SEMA3A: variants seen among roughly 807,000 people sequenced by gnomAD.
The protein encoded by SEMA3A is semaphorin-3A.
SEMA3A carries 29 observed loss-of-function variants against 97.9 expected under a neutral mutation model. The observed-to-expected ratio is 0.30, with a 90% confidence interval of 0.22 to 0.40. The LOEUF (loss-of-function observed/expected upper bound fraction) is 0.40. Ranked by LOEUF, SEMA3A falls within the 10% of genes least tolerant of loss-of-function variation. SEMA3A has a pLI of 1.00. For synonymous variants in SEMA3A, 321 were observed against 323.7 expected, an observed-to-expected ratio of 0.99 and a Z score of 0.09; for missense variants, 763 against 951.3, an observed-to-expected ratio of 0.80 and a Z score of 2.60.
intron 6 of SEMA3A, among the ~76,000 whole-genome samples, chr7:84,022,363 A>C (rs1277225950): frequency 7.2e-5 from 11 of 152,294 alleles, no homozygotes; most frequent in Non-Finnish European, 5.9e-5. Context: ...CAGAAATGAA[A>C]AACTCAAATC....
At chr7:84,439,101 T>C (rs1477603772) in intron 1 of SEMA3A, among the ~76,000 whole-genome samples, 1 of 151,824 alleles carries the variant, frequency 6.6e-6, no homozygotes. Flanking sequence ...AAATCTAGTA[T>C]GGAATTAGAA....
chr7:84,021,424 A>C (rs6962897), intron 6 of SEMA3A, among the ~76,000 whole-genome samples: 46,611 of 152,014 alleles, frequency 0.31, 8,073 homozygotes, highest in East Asian at 0.61. Context: ...TTCCAGTAAG[A>C]TTATTTTTAA....
chr7:84,362,917 A>G (rs1375309733), intron 2 of SEMA3A, among the ~76,000 whole-genome samples: 1 of 152,042 alleles, frequency 6.6e-6, no homozygotes, highest in African/African-American at 2.4e-5. Context: ...AGCAGTGCTC[A>G]TTCATTGATC....
chr7:83,983,451 AGAT>A, intron 13 of SEMA3A, among the ~76,000 whole-genome samples: 1 of 152,128 alleles, frequency 6.6e-6, no homozygotes, highest in African/African-American at 2.4e-5. Context: ...GTATATTTAT[AGAT>A]TTTTTTAAGA....
intron 1 of SEMA3A, among the ~76,000 whole-genome samples, chr7:84,441,507 C>A (rs549865032): frequency 6.6e-6 from 1 of 151,446 alleles, no homozygotes; most frequent in Non-Finnish European, 1.5e-5. Flanking sequence ...GTATAAGGTG[C>A]TGACAGAAAA....
chr7:84,212,590 A>G (rs1798657282), intron 3 of SEMA3A, among the ~76,000 whole-genome samples: 1 of 152,178 alleles, frequency 6.6e-6, no homozygotes, highest in Admixed American at 6.5e-5. Context: ...AATGACACAC[A>G]TGATAAATTT....
Position 84,406,858 on chromosome 7 carries a change from G to A in SEMA3A, c.-245-34958C>T, listed in dbSNP as rs184843314. ...CTTTGACAAAATTCAACAATACTTC[G>A]TGATAAAAACTCTCAATAAATAGGT... On this transcript the variant is annotated intron_variant, in intron 1 of 3. Transcript: ENST00000424555. 7.2e-4 allele frequency among the ~76,000 whole-genome samples: 110 copies of A among 152,010 alleles called. 1 individual carries two copies. Among genetic ancestry groups the A allele is most frequent in the African/African-American group, 2.3e-3 (97 of 41,490 alleles).
At chr7:84,446,934 C>T (rs1805428649) in intron 1 of SEMA3A, among the ~76,000 whole-genome samples, 1 of 152,134 alleles carries the variant, frequency 6.6e-6, no homozygotes, top group African/African-American at 2.4e-5. Context: ...CTCTTGGCTG[C>T]AGCTGCAGCT....
chr7:84,262,424 A>G (rs1799880474), intron 3 of SEMA3A, among the ~76,000 whole-genome samples: 1 of 152,102 alleles, frequency 6.6e-6, no homozygotes, highest in South Asian at 2.1e-4. Flanking sequence ...AATATTGGTC[A>G]GGCTGGTCTT....
chr7:84,149,145 C>A (rs1403190258), intron 1 of SEMA3A, among the ~76,000 whole-genome samples: 1 of 152,114 alleles, frequency 6.6e-6, no homozygotes, highest in African/African-American at 2.4e-5. Flanking sequence ...TCTCCTATAT[C>A]CAGCTCTCCC....
intron 9 of SEMA3A, 108 bp from the exon 10 acceptor site, chr7:84,007,605 T>C (rs1790719612): frequency 7.8e-6 from 7 of 901,788 alleles, no homozygotes; most frequent in African/African-American, 1.7e-5. Flanking sequence ...AAAATATGAA[T>C]ATAAATTCTT....
intron 13 of SEMA3A, 149 bp downstream of exon 13, chr7:83,985,287 C>G: frequency 1.8e-6 from 1 of 564,174 alleles, no homozygotes; most frequent in Non-Finnish European, 3.1e-6. Context: ...TTCTAATCTA[C>G]TAGCTTATTG....
At chr7:84,308,288 T>C (rs929179610) in intron 2 of SEMA3A, among the ~76,000 whole-genome samples, 9 of 152,180 alleles carry the variant, frequency 5.9e-5, no homozygotes, top group African/African-American at 2.2e-4. Context: ...TAAAATTTAG[T>C]GAATTATTTT....
chr7:84,132,227 T>C (rs1345923942), intron 2 of SEMA3A, among the ~76,000 whole-genome samples: 3 of 152,184 alleles, frequency 2.0e-5, no homozygotes, highest in African/African-American at 4.8e-5. Flanking sequence ...CCTTTATTAT[T>C]AGTAGAATGA....
chr7:84,214,981 C>T (rs1195413247), intron 3 of SEMA3A, among the ~76,000 whole-genome samples: 1 of 151,354 alleles, frequency 6.6e-6, no homozygotes, highest in East Asian at 2.0e-4. Context: ...GGATTATAGG[C>T]GTGAGCTACC....
intron 3 of SEMA3A, among the ~76,000 whole-genome samples, chr7:84,297,365 AATAATTCCATAATTT>A (rs1323529161): frequency 3.9e-5 from 6 of 152,166 alleles, no homozygotes; most frequent in African/African-American, 1.4e-4. Context: ...CTGATTGAAA[AATAATTCCATAATTT>A]GATCTTAATT....
intron 1 of SEMA3A, among the ~76,000 whole-genome samples, chr7:84,185,231 T>C (rs1445931349): frequency 8.5e-5 from 13 of 152,192 alleles, no homozygotes. Flanking sequence ...CAAGGAATTA[T>C]ACCATTTTGA....
At chr7:83,988,317 C>G (rs1789723936) in intron 12 of SEMA3A, among the ~76,000 whole-genome samples, 1 of 152,042 alleles carries the variant, frequency 6.6e-6, no homozygotes. Context: ...AGCTCTGCCC[C>G]TCGGGTTCAT....
intron 3 of SEMA3A, among the ~76,000 whole-genome samples, chr7:84,302,982 T>G (rs1801058420): frequency 6.6e-6 from 1 of 152,030 alleles, no homozygotes; most frequent in Non-Finnish European, 1.5e-5. Flanking sequence ...AAAAGAACAG[T>G]TTGAGGAAAG....
Sources: gnomAD v4.1 joint callset for allele counts (sites outside exome capture counted in the v4.1 genomes callset) on GRCh38, gnomAD v4.1.1 for gene constraint, MANE v1.5 for transcripts, NCBI Gene and HGNC (gene_info 2026-07-23, HGNC 2026-07-21) for gene names.